The following DCHS2 variants were observed in gnomAD, a reference collection of about 807,000 sequenced individuals.
DCHS2 encodes protocadherin-23.
In DCHS2, 142 loss-of-function variants were observed where a neutral mutation model predicts 182.4. The ratio of observed to expected loss-of-function variants is 0.78; its 90% CI spans 0.68 to 0.89. The LOEUF is 0.89. Ranked by LOEUF, DCHS2 falls within the 40% of genes least tolerant of loss-of-function variation. The pLI is 0.00. For synonymous variants in DCHS2, 1,740 were observed against 1,663.3 expected, an observed-to-expected ratio of 1.05 and a Z score of -1.12; for missense variants, 4,319 against 4,198.6, an observed-to-expected ratio of 1.03 and a Z score of -0.79.
intron 16 of DCHS2, among the ~76,000 whole-genome samples, chr4:154,248,719 G>C (rs1036321840): frequency 6.6e-6 from 1 of 152,192 alleles, no homozygotes; most frequent in East Asian, 1.9e-4. Context: ...AAATAGCATG[G>C]TACTGATATA....
chr4:154,345,858 C>A (rs1461373626), intron 3 of DCHS2, among the ~76,000 whole-genome samples: 1 of 152,186 alleles, frequency 6.6e-6, no homozygotes, highest in African/African-American at 2.4e-5. Context: ...CAGAATTACA[C>A]AAAGAAGAGA....
At chr4:154,257,474 T>C (rs1193043306) in intron 15 of DCHS2, among the ~76,000 whole-genome samples, 1 of 152,180 alleles carries the variant, frequency 6.6e-6, no homozygotes, top group Non-Finnish European at 1.5e-5. Context: ...TTGGTGTCCC[T>C]TCACCGAAGA....
At chr4:154,304,202 T>TA (rs1218097257) in intron 12 of DCHS2, among the ~76,000 whole-genome samples, 1 of 151,380 alleles carries the variant, frequency 6.6e-6, no homozygotes, top group Non-Finnish European at 1.5e-5. Flanking sequence ...CAAGAAAAAT[T>TA]AAAAAAAATT....
intron 7 of DCHS2, among the ~76,000 whole-genome samples, chr4:154,324,975 G>C (rs1344044752): frequency 6.6e-6 from 1 of 151,862 alleles, no homozygotes; most frequent in African/African-American, 2.4e-5. Flanking sequence ...AATAAAGATG[G>C]GAATAATGTA....
intron 3 of DCHS2, among the ~76,000 whole-genome samples, chr4:154,356,023 A>T (rs1729843395): frequency 6.6e-6 from 1 of 152,156 alleles, no homozygotes; most frequent in Admixed American, 6.5e-5. Flanking sequence ...TAGAACAGCC[A>T]CAGACAGGTC....
At chr4:154,401,411 G>T (rs900827845) in intron 1 of DCHS2, among the ~76,000 whole-genome samples, 1 of 152,106 alleles carries the variant, frequency 6.6e-6, no homozygotes. Context: ...AGGGTCATAG[G>T]GTACCCATCT....
Position 154,269,911 on chromosome 4 carries a change from C to T in DCHS2, c.6566G>A (p.Cys2189Tyr), listed in dbSNP as rs577146168. 1.9e-6 allele frequency: 3 copies of T among 1,611,484 alleles called. No homozygotes were observed. Among genetic ancestry groups the T allele is most frequent in the Non-Finnish European group, 2.5e-6 (3 of 1,178,820 alleles). The stretch of plus-strand genomic sequence containing the variant: ...TAGAGAAGGATTACCTGACTTAGAG[C>T]ACAGGGAAAGAACTCCATCTTCATT... ...SGNEDGVLSLCSKSGQLTVKE... is the reference protein window; with the variant it reads ...SGNEDGVLSLYSKSGQLTVKE... Residue 2189 changes from cysteine (C) to tyrosine (Y), a missense_variant, in exon 14 of 20, where the codon TGC becomes TAC. Transcript: ENST00000357232.
chr4:154,454,280 A>G (rs935502071), intron 1 of DCHS2, among the ~76,000 whole-genome samples: 11 of 152,054 alleles, frequency 7.2e-5, no homozygotes, highest in African/African-American at 2.4e-4. Context: ...GTATCTCTCT[A>G]TCACCCAGGC....
chr4:154,320,897 T>C lies in DCHS2; in HGVS notation c.4502A>G (p.Glu1501Gly), dbSNP rs1210360347. The part of the protein sequence containing the change: ...SSTVFLSIDV[E>G]DQNDHSPSFQ... ...AGATGGGGAATGGTCATTCTGATCT[T>C]CCACATCGATACTAAGGAAGACTGT... Residue 1501 changes from glutamate (E) to glycine (G), a missense_variant, in exon 9 of 20, where the codon GAA becomes GGA. Physicochemically the swap from Glu to Gly is moderately conservative, Grantham distance 98 (BLOSUM62 -2). Coordinates refer to ENST00000357232, the MANE Select transcript of DCHS2 (RefSeq NM_001358235.2). 6.2e-7 allele frequency: 1 copy of C among 1,614,090 alleles called. No homozygotes were observed.
At chr4:154,486,247 G>C (rs1210208121) in intron 1 of DCHS2, among the ~76,000 whole-genome samples, 1 of 152,158 alleles carries the variant, frequency 6.6e-6, no homozygotes, top group Non-Finnish European at 1.5e-5. Flanking sequence ...CTTTGGAAAG[G>C]TCTCGTCAGG....
At chr4:154,428,257 C>G (rs1733413416) in intron 1 of DCHS2, among the ~76,000 whole-genome samples, 1 of 152,134 alleles carries the variant, frequency 6.6e-6, no homozygotes, top group African/African-American at 2.4e-5. Context: ...CGAAAAAACA[C>G]TGGCCAGGCA....
In DCHS2 at chr4:154,315,883, T is replaced by TG. The variant is rs1271242366; in HGVS notation, c.5124_5125insC (p.Thr1709HisfsTer8). ...ACATCAAGAACAGTAACTGTCAAAG[T>TG]CTGGGATGAAGAAAGTGCTGGTGTG... On this transcript the variant is annotated frameshift_variant, in exon 10 of 20. Coordinates refer to ENST00000357232, the MANE Select transcript of DCHS2 (RefSeq NM_001358235.2). LOFTEE classifies it high-confidence loss of function. 6.2e-7 allele frequency: 1 copy of TG among 1,614,004 alleles called. No homozygotes were observed. Among genetic ancestry groups the TG allele is most frequent in the South Asian group, 1.1e-5 (1 of 91,084 alleles).
chr4:154,338,873 A>G (rs902278463), intron 3 of DCHS2, among the ~76,000 whole-genome samples: 1 of 152,230 alleles, frequency 6.6e-6, no homozygotes, highest in African/African-American at 2.4e-5. Flanking sequence ...AATAATGTCA[A>G]TACTACAAGT....
intron 3 of DCHS2, among the ~76,000 whole-genome samples, chr4:154,358,961 AAAT>A (rs1192633291): frequency 1.3e-5 from 2 of 151,608 alleles, no homozygotes; most frequent in Admixed American, 1.3e-4. Flanking sequence ...TATTAATAAT[AAAT>A]AATAAAATCA....
chr4:154,280,828 C>CT (rs547237868), intron 13 of DCHS2, among the ~76,000 whole-genome samples: 9,258 of 139,940 alleles, frequency 0.066, 922 homozygotes, highest in African/African-American at 0.21. Flanking sequence ...ATGCTCACTT[C>CT]TTTTTTTTTT....
intron 1 of DCHS2, among the ~76,000 whole-genome samples, chr4:154,414,371 C>A (rs1227200016): frequency 6.6e-6 from 1 of 151,618 alleles, no homozygotes; most frequent in Non-Finnish European, 1.5e-5. Context: ...ACACAAAATG[C>A]TTAACACTAT....
chr4:154,366,741 C>T (rs1730388278), intron 2 of DCHS2, among the ~76,000 whole-genome samples: 2 of 152,158 alleles, frequency 1.3e-5, no homozygotes, highest in African/African-American at 4.8e-5. Context: ...GGTATGTACA[C>T]TTCACTGCTG....
At chr4:154,362,169 C>G (rs1730154206) in intron 3 of DCHS2, among the ~76,000 whole-genome samples, 1 of 152,048 alleles carries the variant, frequency 6.6e-6, no homozygotes, top group South Asian at 2.1e-4. Context: ...CAAGGCCAGA[C>G]AGGTATTCTG....
In DCHS2 at chr4:154,457,344, C is replaced by T. The variant is rs1166626597; in HGVS notation, c.2052+31960G>A. On this transcript the variant is annotated intron_variant, in intron 1 of 19. Coordinates refer to ENST00000357232, the MANE Select transcript of DCHS2 (RefSeq NM_001358235.2). ...TCTAACTTTTCTAAATCCATCAAGT[C>T]GTGCAAATCATTTTCATGTCTATTA... 5.9e-5 allele frequency among the ~76,000 whole-genome samples: 9 copies of T among 152,132 alleles called. No individual in the cohort carries two copies. The South Asian group carries it at 1.7e-3, about 28-fold the overall frequency.
Sources: allele counts gnomAD v4.1 joint callset (sites outside exome capture counted in the v4.1 genomes callset), GRCh38; gene constraint gnomAD v4.1.1; transcripts MANE v1.5; gene names NCBI Gene and HGNC (gene_info 2026-07-23, HGNC 2026-07-21).